The following SAMTOR variants were observed in gnomAD, a reference collection of about 807,000 sequenced individuals.
SAMTOR encodes UPF0532 protein C7orf60.
chr7:112,918,662 A>G, the SAMTOR span, among the ~76,000 whole-genome samples: 1 of 152,228 alleles, frequency 6.6e-6, no homozygotes, highest in African/African-American at 2.4e-5. Flanking sequence ...CAAATTGGAT[A>G]AAGAGTCAAG....
At chr7:112,831,524 T>C in the SAMTOR span, among the ~76,000 whole-genome samples, 2 of 152,150 alleles carry the variant, frequency 1.3e-5, no homozygotes, top group East Asian at 3.9e-4. Flanking sequence ...GGCGTGGTGG[T>C]ACATGCCTGT....
the SAMTOR span, among the ~76,000 whole-genome samples, chr7:112,872,718 T>C: frequency 2.6e-5 from 4 of 152,000 alleles, no homozygotes; most frequent in Non-Finnish European, 4.4e-5. Flanking sequence ...GATTCTGTTC[T>C]TCAGAAAATT....
chr7:112,930,559 CA>C, the SAMTOR span, among the ~76,000 whole-genome samples: 1 of 150,994 alleles, frequency 6.6e-6, no homozygotes, highest in African/African-American at 2.4e-5. Context: ...AAGAAAAAGT[CA>C]TTTTAATACT....
At chr7:112,891,842 T>C in the SAMTOR span, among the ~76,000 whole-genome samples, 1 of 152,244 alleles carries the variant, frequency 6.6e-6, no homozygotes, top group Non-Finnish European at 1.5e-5. Flanking sequence ...TTTGCCTTGA[T>C]ACTCATGGCT....
the SAMTOR span, among the ~76,000 whole-genome samples, chr7:112,924,850 T>C: frequency 1.3e-5 from 2 of 152,108 alleles, no homozygotes; most frequent in Admixed American, 6.6e-5. Context: ...CTTGAATTCC[T>C]ATTAATGTTT....
At chr7:112,920,415 A>G in the SAMTOR span, among the ~76,000 whole-genome samples, 3 of 149,988 alleles carry the variant, frequency 2.0e-5, no homozygotes, top group Non-Finnish European at 3.0e-5. Flanking sequence ...CATGCTAAAA[A>G]CTCTCAATAA....
the SAMTOR span, among the ~76,000 whole-genome samples, chr7:112,915,978 G>T: frequency 7.2e-5 from 11 of 152,114 alleles, no homozygotes; most frequent in Non-Finnish European, 1.3e-4. Flanking sequence ...GGGGTTGGTA[G>T]GTAAGATGAC....
chr7:112,862,464 C>T, the SAMTOR span, among the ~76,000 whole-genome samples: 1 of 152,180 alleles, frequency 6.6e-6, no homozygotes, highest in East Asian at 1.9e-4. Flanking sequence ...TATTCATTCA[C>T]TCAATTATTG....
At chr7:112,883,432 C>T in the SAMTOR span, among the ~76,000 whole-genome samples, 1 of 152,108 alleles carries the variant, frequency 6.6e-6, no homozygotes, top group East Asian at 1.9e-4. Context: ...TACTTAATAT[C>T]CCCAAACAGA....
At chr7:112,839,677 A>C in the SAMTOR span, among the ~76,000 whole-genome samples, 3 of 151,880 alleles carry the variant, frequency 2.0e-5, no homozygotes, top group African/African-American at 7.2e-5. Flanking sequence ...GTAATCTTTG[A>C]TGAATCCTGG....
At chr7:112,937,794 C>G in the SAMTOR span, among the ~76,000 whole-genome samples, 19 of 148,422 alleles carry the variant, frequency 1.3e-4, no homozygotes, top group Non-Finnish European at 2.2e-4. Flanking sequence ...CTTATGAACT[C>G]CATGTATCTA....
At chr7:112,865,638 T>TATACATATATTCATATATATATTTCATAC in the SAMTOR span, among the ~76,000 whole-genome samples, 15 of 102,786 alleles carry the variant, frequency 1.5e-4, no homozygotes, top group African/African-American at 4.3e-4. Flanking sequence ...ATATATCATA[T>TATACATATATTCATATATATATTTCATAC]ATACATATAT....
At chr7:112,858,441 T>C in the SAMTOR span, among the ~76,000 whole-genome samples, 3 of 151,498 alleles carry the variant, frequency 2.0e-5, no homozygotes, top group East Asian at 1.9e-4. Context: ...TATAAGAAAA[T>C]AGAAGATAAT....
chr7:112,832,933 T>C, the SAMTOR span, among the ~76,000 whole-genome samples: 1 of 152,066 alleles, frequency 6.6e-6, no homozygotes, highest in South Asian at 2.1e-4. Flanking sequence ...GTTTTATATA[T>C]ATTTACTTAT....
the SAMTOR span, among the ~76,000 whole-genome samples, chr7:112,851,214 G>T: frequency 6.6e-6 from 1 of 151,966 alleles, no homozygotes; most frequent in Non-Finnish European, 1.5e-5. Context: ...AATTCATATG[G>T]AACCCAAAAG....
the SAMTOR span, among the ~76,000 whole-genome samples, chr7:112,918,640 G>C: frequency 8.5e-5 from 13 of 152,128 alleles, no homozygotes; most frequent in African/African-American, 2.7e-4. Context: ...CCAATTAAAA[G>C]ACACAGACTG....
the SAMTOR span, among the ~76,000 whole-genome samples, chr7:112,857,795 GAAGC>G: frequency 5.1e-3 from 782 of 152,310 alleles, 5 homozygotes; most frequent in Non-Finnish European, 6.4e-3. Flanking sequence ...AGCCCATGAA[GAAGC>G]AACCTGGCTG....
the SAMTOR span, among the ~76,000 whole-genome samples, chr7:112,871,387 A>G: frequency 6.6e-6 from 1 of 152,206 alleles, no homozygotes; most frequent in African/African-American, 2.4e-5. Context: ...CCACACAATT[A>G]CATGGAAACT....
chr7:112,926,897 G>T, the SAMTOR span, among the ~76,000 whole-genome samples: 1 of 151,954 alleles, frequency 6.6e-6, no homozygotes, highest in Non-Finnish European at 1.5e-5. Flanking sequence ...TTCAAACTCT[G>T]ACTACTGTGT....
Sources: gnomAD v4.1 joint callset for allele counts (sites outside exome capture counted in the v4.1 genomes callset) on GRCh38, gnomAD v4.1.1 for gene constraint, MANE v1.5 for transcripts, NCBI Gene and HGNC (gene_info 2026-07-23, HGNC 2026-07-21) for gene names.